Variants in TBC1D15 observed in about 807,000 individuals in gnomAD.
TBC1D15 encodes TBC1 domain family member 15, also known as GAP for RAB7.
A neutral mutation model predicts 95.4 loss-of-function variants in TBC1D15; 39 were observed. That is an observed-to-expected ratio of 0.41 (90% CI 0.32 to 0.53). The LOEUF (loss-of-function observed/expected upper bound fraction) is 0.53. TBC1D15 is among the 20% of genes least tolerant of loss of function. The probability of loss-of-function intolerance (pLI) is 0.29; values close to 1 mark genes in which losing one functional copy is unlikely to be tolerated. For synonymous variants in TBC1D15, 258 were observed against 261.3 expected (o/e 0.99, Z 0.12); for missense variants, 733 against 794.3 (o/e 0.92, Z 0.93).
chr12:71,878,443 A>C (rs1894422920), intron 3 of TBC1D15, among the ~76,000 whole-genome samples: 2 of 151,936 alleles, frequency 1.3e-5, no homozygotes, highest in African/African-American at 4.8e-5. Flanking sequence ...TGGGGAACAG[A>C]GTACTCTTGT....
intron 5 of TBC1D15, among the ~76,000 whole-genome samples, chr12:71,888,853 T>C (rs1592767294): frequency 8.3e-6 from 1 of 120,742 alleles, no homozygotes; most frequent in Non-Finnish European, 1.8e-5. Flanking sequence ...TCTTTTTTTT[T>C]TTTTTTTTCA....
chr12:71,880,435 A>G lies in TBC1D15; in HGVS notation c.205-34A>G, dbSNP rs759946615. The stretch of plus-strand genomic sequence containing the variant: ...TGGATTGAAATTAAATTTGTTTTAG[A>G]CTTTAAATATTTTATATGTTATAAT... On this transcript the variant is annotated intron_variant, in intron 3 of 16. Transcript: ENST00000485960. 4.0e-6 allele frequency: 6 copies of G among 1,504,294 alleles called. No homozygotes were observed. In the South Asian group the frequency reaches 7.6e-5, roughly 19 times the overall value. The allele number at this position is 1,504,294 out of a possible 1,614,324, so 93.2% of individuals were successfully genotyped here. A position where few individuals can be genotyped will look rare whatever the true frequency, so the allele number is the denominator to read the frequency against.
chr12:71,850,736 C>G (rs1485708566), intron 1 of TBC1D15, among the ~76,000 whole-genome samples: 1 of 152,066 alleles, frequency 6.6e-6, no homozygotes, highest in African/African-American at 2.4e-5. Context: ...CGCCTGTAAT[C>G]CTAGCACTTT....
chr12:71,880,449 A>G lies in TBC1D15; in HGVS notation c.205-20A>G. Reference sequence around the variant, plus strand: ...ATTTGTTTTAGACTTTAAATATTTTATATGTTATAATTATTTTAGGACTCC... The same window carrying G: ...ATTTGTTTTAGACTTTAAATATTTTGTATGTTATAATTATTTTAGGACTCC... On this transcript the variant is annotated intron_variant, in intron 3 of 16. Coordinates refer to ENST00000485960, the MANE Select transcript of TBC1D15 (RefSeq NM_001146213.3). The G allele has an allele frequency of 1.3e-6, 2 of 1,520,446 alleles. No homozygotes were observed. The highest frequency in any genetic ancestry group is 1.8e-6 in the Non-Finnish European group (2 of 1,129,198). The allele number at this position is 1,520,446 out of a possible 1,614,324, so 94.2% of individuals were successfully genotyped here. A position where few individuals can be genotyped will look rare whatever the true frequency, so the allele number is the denominator to read the frequency against.
chr12:71,885,210 G>A (rs1161500955), intron 5 of TBC1D15, among the ~76,000 whole-genome samples, 189 bp downstream of exon 5: 1 of 152,120 alleles, frequency 6.6e-6, no homozygotes, highest in Non-Finnish European at 1.5e-5. Context: ...TTAGTAATTT[G>A]AATCTGAGAC....
At chr12:71,879,938 CTT>C (rs1894795956) in intron 3 of TBC1D15, among the ~76,000 whole-genome samples, 1 of 152,038 alleles carries the variant, frequency 6.6e-6, no homozygotes, top group South Asian at 2.1e-4. Context: ...GCATTTTAGA[CTT>C]TTGGTTTTAT....
intron 14 of TBC1D15, among the ~76,000 whole-genome samples, 177 bp downstream of exon 14, chr12:71,918,725 C>G (rs1017823545): frequency 1.3e-5 from 2 of 152,122 alleles, no homozygotes; most frequent in Non-Finnish European, 2.9e-5. Flanking sequence ...AATATTTGGT[C>G]TTTTGGAGCT....
intron 13 of TBC1D15, among the ~76,000 whole-genome samples, chr12:71,918,187 A>G (rs1014694171): frequency 6.6e-6 from 1 of 151,998 alleles, no homozygotes; most frequent in Non-Finnish European, 1.5e-5. Context: ...TATATACTCT[A>G]TTGCACTTTC....
intron 1 of TBC1D15, among the ~76,000 whole-genome samples, chr12:71,869,664 T>A (rs1892251475): frequency 6.6e-6 from 1 of 152,152 alleles, no homozygotes; most frequent in Non-Finnish European, 1.5e-5. Context: ...AGTCTAGAGA[T>A]CTAATGTACA....
intron 6 of TBC1D15, 113 bp downstream of exon 6, chr12:71,893,437 G>C: frequency 1.9e-6 from 1 of 519,446 alleles, no homozygotes. Flanking sequence ...TATATACATA[G>C]ATATGTGTGT....
intron 1 of TBC1D15, among the ~76,000 whole-genome samples, chr12:71,861,163 G>A (rs1223847669): frequency 6.6e-6 from 1 of 151,972 alleles, no homozygotes. Flanking sequence ...GGCCTATGGT[G>A]TTCTTTTTTT....
intron 5 of TBC1D15, among the ~76,000 whole-genome samples, chr12:71,891,395 A>G (rs1045210402): frequency 6.6e-6 from 1 of 152,138 alleles, no homozygotes; most frequent in African/African-American, 2.4e-5. Flanking sequence ...AGTTCATCTT[A>G]CTGCTGCAAT....
intron 1 of TBC1D15, among the ~76,000 whole-genome samples, chr12:71,847,317 G>T (rs1251882733): frequency 1.3e-5 from 2 of 151,714 alleles, no homozygotes; most frequent in African/African-American, 4.8e-5. Context: ...TATATACTCT[G>T]TTTTTGTATG....
At chr12:71,855,128 G>C (rs1430604318) in intron 1 of TBC1D15, among the ~76,000 whole-genome samples, 1 of 152,068 alleles carries the variant, frequency 6.6e-6, no homozygotes, top group East Asian at 1.9e-4. Flanking sequence ...ATGGCGGCAG[G>C]AGAGAGAGAG....
chr12:71,923,582 A>G lies in TBC1D15; in HGVS notation c.*378A>G, dbSNP rs899414396. On this transcript the variant is annotated 3_prime_UTR_variant, in exon 17 of 17. Coordinates refer to ENST00000485960, the MANE Select transcript of TBC1D15 (RefSeq NM_001146213.3). ...ATTAAATTAAATGTGGAGGCTTTCTATAGCATTCTAAGCTGAGAAGTAGAT... is the reference window on the plus strand; with the variant it reads ...ATTAAATTAAATGTGGAGGCTTTCTGTAGCATTCTAAGCTGAGAAGTAGAT... 12 of 176,418 alleles carry G rather than the reference A, an allele frequency of 6.8e-5. No homozygotes were observed. The East Asian group carries it at 1.7e-3, about 25-fold the overall frequency. The allele number at this position is 176,418 out of a possible 1,614,324, so 10.9% of individuals were successfully genotyped here.
intron 3 of TBC1D15, among the ~76,000 whole-genome samples, chr12:71,877,074 G>A (rs1471051024): frequency 6.6e-6 from 1 of 152,072 alleles, no homozygotes; most frequent in East Asian, 1.9e-4. Context: ...GCCTCCCAAA[G>A]TGCTGGAATT....
At chr12:71,920,286 G>C (rs547048107) in intron 14 of TBC1D15, among the ~76,000 whole-genome samples, 2 of 152,192 alleles carry the variant, frequency 1.3e-5, no homozygotes, top group South Asian at 4.1e-4. Context: ...GCTACCTCTG[G>C]GTGTTTCTGA....
intron 3 of TBC1D15, among the ~76,000 whole-genome samples, 178 bp from the exon 4 acceptor site, chr12:71,880,291 C>CTT (rs534954705): frequency 6.3e-4 from 86 of 136,588 alleles, no homozygotes; most frequent in Middle Eastern, 3.8e-3. Context: ...GCTTCTCTTC[C>CTT]TTTTTTTTTT....
rs1286344768 is a variant in TBC1D15, at chr12:71,884,949, C to T, written c.482C>T (p.Pro161Leu). The T allele has an allele frequency of 3.1e-6, 5 of 1,613,744 alleles. No homozygotes were observed. The highest frequency in any genetic ancestry group is 4.2e-6 in the Non-Finnish European group (5 of 1,179,854). Residue 161 changes from proline to leucine, a missense_variant, in exon 5 of 17, where the codon CCT (proline) becomes CTT (leucine). Coordinates refer to ENST00000485960, the MANE Select transcript of TBC1D15 (RefSeq NM_001146213.3). ...VFCLKDDVVL[P>L]ALHFHQGDSK... The stretch of plus-strand genomic sequence containing the variant: ...TGTCTAAAGGATGACGTCGTTCTCC[C>T]TGCTCTACACTTTCATCAAGGAGAT...
Sources: gnomAD v4.1 joint callset for allele counts (sites outside exome capture counted in the v4.1 genomes callset) on GRCh38, gnomAD v4.1.1 for gene constraint, MANE v1.5 for transcripts, NCBI Gene and HGNC (gene_info 2026-07-23, HGNC 2026-07-21) for gene names.